Variants in GRM8 observed in about 807,000 individuals in gnomAD.
GRM8 encodes the protein glutamate metabotropic receptor 8.
Under a neutral mutation model 87.2 loss-of-function variants are expected in GRM8, and 47 were observed. The ratio of observed to expected loss-of-function variants is 0.54; its 90% CI spans 0.43 to 0.69. GRM8 has a LOEUF of 0.69. Ranked by LOEUF, GRM8 falls within the 30% of genes least tolerant of loss-of-function variation. The pLI is 0.00. For synonymous variants in GRM8, 396 were observed against 404.5 expected (o/e 0.98, Z 0.25); for missense variants, 1,019 against 1,139.2 (o/e 0.89, Z 1.52).
At chr7:127,143,172 C>A (rs148811146) in intron 2 of GRM8, among the ~76,000 whole-genome samples, 1 of 152,168 alleles carries the variant, frequency 6.6e-6, no homozygotes, top group African/African-American at 2.4e-5. Flanking sequence ...TGCCTTTTTC[C>A]TACAGTTCTA....
intron 3 of GRM8, among the ~76,000 whole-genome samples, chr7:127,078,667 G>A (rs1218636975): frequency 6.6e-6 from 1 of 152,194 alleles, no homozygotes; most frequent in South Asian, 2.1e-4. Context: ...CTGAGAAGAT[G>A]GTCCCCATCC....
At chr7:126,977,617 T>C (rs571525683) in intron 3 of GRM8, among the ~76,000 whole-genome samples, 9 of 152,210 alleles carry the variant, frequency 5.9e-5, no homozygotes, top group African/African-American at 1.9e-4. Context: ...GTAGATAAAA[T>C]GGATTACAGG....
At chr7:126,984,591 T>G (rs1001603944) in intron 3 of GRM8, among the ~76,000 whole-genome samples, 4 of 152,230 alleles carry the variant, frequency 2.6e-5, no homozygotes, top group African/African-American at 9.6e-5. Flanking sequence ...TCCTTGCTCC[T>G]CAGCTTGCAG....
intron 7 of GRM8, among the ~76,000 whole-genome samples, chr7:126,643,118 C>G (rs1408857971): frequency 1.3e-5 from 2 of 150,560 alleles, no homozygotes; most frequent in Admixed American, 1.3e-4. Flanking sequence ...TGGCAAGACC[C>G]GTCTCTACCA....
intron 6 of GRM8, among the ~76,000 whole-genome samples, chr7:126,827,503 T>G (rs1196226018): frequency 6.6e-6 from 1 of 152,220 alleles, no homozygotes; most frequent in Non-Finnish European, 1.5e-5. Context: ...ACTCATGATT[T>G]GGCTCTCTAT....
At chr7:126,552,714 C>T (rs1462714513) in intron 8 of GRM8, among the ~76,000 whole-genome samples, 2 of 152,064 alleles carry the variant, frequency 1.3e-5, no homozygotes, top group Non-Finnish European at 2.9e-5. Context: ...AATGGTTATA[C>T]ATGTTATTGG....
chr7:126,721,108 G>T (rs1420484625), intron 7 of GRM8, among the ~76,000 whole-genome samples: 1 of 152,192 alleles, frequency 6.6e-6, no homozygotes, highest in Non-Finnish European at 1.5e-5. Context: ...TTTAAAATGT[G>T]TGAACAGAAT....
At chr7:126,768,236 C>T (rs1289982326) in intron 7 of GRM8, among the ~76,000 whole-genome samples, 1 of 151,298 alleles carries the variant, frequency 6.6e-6, no homozygotes, top group Non-Finnish European at 1.5e-5. Flanking sequence ...TTGATTAATA[C>T]CTAAGTTCTC....
chr7:126,632,674 C>A (rs1801457661), intron 7 of GRM8, among the ~76,000 whole-genome samples: 1 of 152,124 alleles, frequency 6.6e-6, no homozygotes, highest in African/African-American at 2.4e-5. Context: ...AAATGTGGTA[C>A]ATATACACCA....
At chr7:126,692,221 T>C (rs139474423) in intron 7 of GRM8, among the ~76,000 whole-genome samples, 72 of 152,384 alleles carry the variant, frequency 4.7e-4, no homozygotes, top group African/African-American at 1.6e-3. Flanking sequence ...GTTAGTTCTA[T>C]GTGTATCACT....
At chr7:126,880,065 C>T (rs1799888481) in intron 6 of GRM8, among the ~76,000 whole-genome samples, 1 of 152,156 alleles carries the variant, frequency 6.6e-6, no homozygotes, top group Non-Finnish European at 1.5e-5. Flanking sequence ...AAGCCTATGA[C>T]CTTTTCACTA....
At chr7:126,825,038 G>A (rs776020037) in intron 6 of GRM8, among the ~76,000 whole-genome samples, 5 of 152,244 alleles carry the variant, frequency 3.3e-5, no homozygotes, top group Non-Finnish European at 5.9e-5. Flanking sequence ...CTGCATCAGC[G>A]TTTACAAAGT....
At chr7:127,205,130 T>G (rs1378806676) in intron 2 of GRM8, among the ~76,000 whole-genome samples, 3 of 152,236 alleles carry the variant, frequency 2.0e-5, no homozygotes, top group Non-Finnish European at 4.4e-5. Flanking sequence ...CGTGGTACTC[T>G]TGCCTTAGTT....
intron 9 of GRM8, among the ~76,000 whole-genome samples, chr7:126,509,949 C>T (rs762953987): frequency 5.9e-5 from 9 of 151,918 alleles, no homozygotes; most frequent in African/African-American, 1.7e-4. Context: ...GTTGTCATTC[C>T]GGCAATACCA....
chr7:126,947,829 C>T (rs1807710678), intron 3 of GRM8, among the ~76,000 whole-genome samples: 1 of 152,102 alleles, frequency 6.6e-6, no homozygotes, highest in Non-Finnish European at 1.5e-5. Flanking sequence ...AAAGTAGTTG[C>T]CATTGGAGAC....
In GRM8 at chr7:126,769,993, T is replaced by A. The variant is rs763788105; in HGVS notation, c.1229A>T (p.Tyr410Phe). Reference sequence around the variant, plus strand: ...ATTGTGCAGGGCGTAAGCCATGGAATATACAGCATCAATTACAAATTGGAC... The same window carrying A: ...ATTGTGCAGGGCGTAAGCCATGGAAAATACAGCATCAATTACAAATTGGAC... ...GKVQFVIDAV[Y>F]SMAYALHNMH... Residue 410 changes from tyrosine to phenylalanine, a missense_variant, in exon 7 of 11, where the codon TAT (tyrosine) becomes TTT (phenylalanine). Tyr to Phe is a conservative substitution (Grantham distance 22). Coordinates refer to ENST00000339582, the MANE Select transcript of GRM8 (RefSeq NM_000845.3). The A allele has an allele frequency of 3.7e-6, 6 of 1,612,518 alleles. No individual in the cohort carries two copies. In the Middle Eastern group the frequency reaches 9.9e-4, roughly 265 times the overall value.
intron 6 of GRM8, among the ~76,000 whole-genome samples, chr7:126,884,580 G>A (rs983063840): frequency 6.6e-6 from 1 of 152,128 alleles, no homozygotes; most frequent in Non-Finnish European, 1.5e-5. Flanking sequence ...AAATAGAAAT[G>A]ATAGCAGAAA....
chr7:127,071,071 C>G (rs1294216918), intron 3 of GRM8, among the ~76,000 whole-genome samples: 1 of 152,056 alleles, frequency 6.6e-6, no homozygotes, highest in Non-Finnish European at 1.5e-5. Context: ...TTTCTGAGTC[C>G]CAGGTTCCAG....
At chr7:126,879,542 C>T (rs1586299494) in intron 6 of GRM8, among the ~76,000 whole-genome samples, 1 of 152,074 alleles carries the variant, frequency 6.6e-6, no homozygotes, top group Non-Finnish European at 1.5e-5. Context: ...AAAATTAATT[C>T]TATTACCCTT....
Sources: allele counts gnomAD v4.1 joint callset (sites outside exome capture counted in the v4.1 genomes callset), GRCh38; gene constraint gnomAD v4.1.1; transcripts MANE v1.5; gene names NCBI Gene and HGNC (gene_info 2026-07-23, HGNC 2026-07-21).